Variants in ANO3 observed in about 807,000 individuals in gnomAD.
The protein encoded by ANO3 is anoctamin-3.
ANO3 carries 99 observed loss-of-function variants against 144.8 expected under a neutral mutation model. That is an observed-to-expected ratio of 0.68 (90% CI 0.58 to 0.81). The LOEUF is 0.81. ANO3 is among the 30% of genes least tolerant of loss of function. The pLI, the probability that ANO3 is intolerant of heterozygous loss-of-function variation, is 0.00. For synonymous variants in ANO3, 414 were observed against 392.6 expected (o/e 1.05, Z -0.64); for missense variants, 905 against 1,202.2 (o/e 0.75, Z 3.66).
rs554931867 is a variant in ANO3, at chr11:26,220,765, T to C, written c.154+31435T>C. ...CTTCTGACAGGTCCCTAGTAAGCCT[T>C]GTATACAGCTTAAGGCTTCTGGCCT... On this transcript the variant is annotated intron_variant, in intron 1 of 27. Transcript: ENST00000672621. 1.5e-4 allele frequency among the ~76,000 whole-genome samples: 23 copies of C among 152,278 alleles called. No individual in the cohort carries two copies. In the South Asian group the frequency reaches 2.7e-3, roughly 18 times the overall value.
intron 4 of ANO3, among the ~76,000 whole-genome samples, chr11:26,466,665 G>T (rs1859613543): frequency 6.6e-6 from 1 of 151,872 alleles, no homozygotes; most frequent in African/African-American, 2.4e-5. Context: ...AACAGCAAAG[G>T]CCAGGAAAAT....
intron 14 of ANO3, among the ~76,000 whole-genome samples, chr11:26,570,999 A>G (rs1316071759): frequency 6.6e-6 from 1 of 152,192 alleles, no homozygotes; most frequent in East Asian, 1.9e-4. Flanking sequence ...AAAAGAAAAG[A>G]CTGGCTTTCT....
chr11:26,609,008 T>C (rs1852013942), intron 17 of ANO3, among the ~76,000 whole-genome samples: 1 of 152,172 alleles, frequency 6.6e-6, no homozygotes, highest in Admixed American at 6.5e-5. Context: ...CAGATTCTAG[T>C]TGAGAGGCTT....
At chr11:26,586,765 C>A (rs181824146) in intron 14 of ANO3, among the ~76,000 whole-genome samples, 1 of 145,460 alleles carries the variant, frequency 6.9e-6, no homozygotes, top group African/African-American at 2.5e-5. Flanking sequence ...GCCTCCCAAA[C>A]TGCTGGGATT....
At chr11:26,480,679 G>A (rs999586016) in intron 4 of ANO3, among the ~76,000 whole-genome samples, 1 of 152,018 alleles carries the variant, frequency 6.6e-6, no homozygotes, top group South Asian at 2.1e-4. Flanking sequence ...GTGGTGGCTC[G>A]TACCTGTAGA....
intron 1 of ANO3, among the ~76,000 whole-genome samples, chr11:26,297,935 C>G (rs1854130846): frequency 6.6e-6 from 1 of 152,126 alleles, no homozygotes; most frequent in African/African-American, 2.4e-5. Flanking sequence ...ACACCACAGC[C>G]CCATTCTTTC....
At chr11:26,452,715 A>G (rs1858993565) in intron 3 of ANO3, among the ~76,000 whole-genome samples, 1 of 152,178 alleles carries the variant, frequency 6.6e-6, no homozygotes, top group Non-Finnish European at 1.5e-5. Context: ...ATTCAGATTC[A>G]GGAAATACAG....
intron 1 of ANO3, among the ~76,000 whole-genome samples, 183 bp downstream of exon 1, chr11:26,332,504 A>G (rs759306105): frequency 3.5e-4 from 52 of 149,410 alleles, no homozygotes; most frequent in Non-Finnish European, 5.6e-4. Context: ...TGATTTTCTG[A>G]GCCTCCGCAC....
intron 12 of ANO3, 77 bp downstream of exon 12, chr11:26,547,627 A>G (rs1016391999): frequency 2.2e-6 from 3 of 1,349,502 alleles, no homozygotes; most frequent in African/African-American, 2.9e-5. Flanking sequence ...AATGCTGACT[A>G]TAAAAAATCA....
chr11:26,470,471 A>G (rs1859741383), intron 4 of ANO3, among the ~76,000 whole-genome samples: 1 of 151,788 alleles, frequency 6.6e-6, no homozygotes, highest in Admixed American at 6.6e-5. Flanking sequence ...ATTCTGTTTA[A>G]GAATGTTTCT....
At chr11:26,342,153 C>G (rs1022684461) in intron 1 of ANO3, among the ~76,000 whole-genome samples, 10 of 152,062 alleles carry the variant, frequency 6.6e-5, no homozygotes, top group Non-Finnish European at 1.5e-4. Context: ...GTGACACAAC[C>G]GGGAGTGGTG....
At chr11:26,520,513 G>C (rs1862033485) in intron 6 of ANO3, among the ~76,000 whole-genome samples, 1 of 152,006 alleles carries the variant, frequency 6.6e-6, no homozygotes, top group Admixed American at 6.6e-5. Context: ...AAATACCGTG[G>C]AAATTCTCAT....
At chr11:26,527,895 C>T (rs1214617295) in intron 7 of ANO3, among the ~76,000 whole-genome samples, 1 of 152,170 alleles carries the variant, frequency 6.6e-6, no homozygotes, top group Non-Finnish European at 1.5e-5. Context: ...ATCATCCCCA[C>T]CCACACACCC....
chr11:26,595,617 G>GT (rs772929004), intron 14 of ANO3, among the ~76,000 whole-genome samples: 92 of 151,956 alleles, frequency 6.1e-4, no homozygotes, highest in Non-Finnish European at 1.1e-3. Flanking sequence ...ACCCATTGTG[G>GT]TTTTTTCTCA....
At chr11:26,457,328 G>C (rs1238240927) in intron 3 of ANO3, among the ~76,000 whole-genome samples, 1 of 51,912 alleles carries the variant, frequency 1.9e-5, no homozygotes, top group Non-Finnish European at 4.2e-5. Context: ...AAAATGTTTT[G>C]ACTCTGAAAA....
At chr11:26,636,766 T>C (rs1852972748) in intron 20 of ANO3, among the ~76,000 whole-genome samples, 1 of 152,224 alleles carries the variant, frequency 6.6e-6, no homozygotes, top group African/African-American at 2.4e-5. Context: ...GAAAATTTAT[T>C]TTGCTGAGAA....
At chr11:26,196,952 A>G (rs1851601206) in intron 1 of ANO3, among the ~76,000 whole-genome samples, 1 of 152,228 alleles carries the variant, frequency 6.6e-6, no homozygotes, top group Admixed American at 6.5e-5. Context: ...CCCTGATTTT[A>G]GTTAATATTA....
intron 1 of ANO3, among the ~76,000 whole-genome samples, chr11:26,434,623 G>T (rs749168296): frequency 6.6e-6 from 1 of 152,114 alleles, no homozygotes; most frequent in African/African-American, 2.4e-5. Flanking sequence ...CTGACATGTT[G>T]TATCTTTGTT....
intron 1 of ANO3, among the ~76,000 whole-genome samples, chr11:26,403,573 C>T (rs368113126): frequency 2.6e-5 from 4 of 151,792 alleles, no homozygotes; most frequent in Non-Finnish European, 5.9e-5. Context: ...TAGTTATCCC[C>T]GCTTTACTTC....
Sources: gnomAD v4.1 joint callset for allele counts (sites outside exome capture counted in the v4.1 genomes callset) on GRCh38, gnomAD v4.1.1 for gene constraint, MANE v1.5 for transcripts, NCBI Gene and HGNC (gene_info 2026-07-23, HGNC 2026-07-21) for gene names.